SUMF1: variants seen among roughly 807,000 people sequenced by gnomAD.
SUMF1 encodes the protein sulfatase modifying factor 1, also known as formylglycine-generating enzyme.
In SUMF1, 48 loss-of-function variants were observed where a neutral mutation model predicts 47.6. The ratio of observed to expected loss-of-function variants is 1.01; its 90% CI spans 0.80 to 1.28. The LOEUF (loss-of-function observed/expected upper bound fraction) is 1.28, where lower values mean the gene tolerates loss of function less well. Among genes scored for constraint, SUMF1 ranks in the 50% most tolerant of loss-of-function variants. SUMF1 has a pLI of 0.00. For missense variants in SUMF1, 571 were observed against 485.4 expected, an observed-to-expected ratio of 1.18 and a Z score of -1.66; for synonymous variants, 230 against 192.1, an observed-to-expected ratio of 1.20 and a Z score of -1.63.
intron 8 of SUMF1, among the ~76,000 whole-genome samples, chr3:4,335,068 C>T (rs573778685): frequency 1.8e-4 from 27 of 152,202 alleles, no homozygotes; most frequent in African/African-American, 5.3e-4. Flanking sequence ...ATTTGTCTTT[C>T]GGCAGCTGCA....
chr3:4,335,826 G>T (rs1159039021), intron 8 of SUMF1, among the ~76,000 whole-genome samples: 1 of 151,934 alleles, frequency 6.6e-6, no homozygotes, highest in Non-Finnish European at 1.5e-5. Flanking sequence ...CCAGTGTGGT[G>T]GCGGGCACAT....
chr3:4,049,830 C>T (rs1695072940), intron 9 of SUMF1, among the ~76,000 whole-genome samples: 1 of 152,140 alleles, frequency 6.6e-6, no homozygotes, highest in Non-Finnish European at 1.5e-5. Flanking sequence ...AGTCAGGTCA[C>T]ATACAGACTT....
chr3:4,180,765 A>T lies in SUMF1; in HGVS notation c.1015-112020T>A, dbSNP rs536604546. Among the ~76,000 whole-genome samples the T allele has an allele frequency of 7.4e-5, 11 of 148,838 alleles. No homozygotes were observed. The East Asian group carries it at 2.0e-3, about 27-fold the overall frequency. On this transcript the variant is annotated intron_variant and NMD_transcript_variant, in intron 8 of 12. Coordinates refer to the SUMF1 transcript ENST00000448413. Reference sequence around the variant, plus strand: ...CTATTTGGGAGGCTGAGGTGGAAAGATCACCTTAGCCTGGGAGGTTGAGGT... The same window carrying T: ...CTATTTGGGAGGCTGAGGTGGAAAGTTCACCTTAGCCTGGGAGGTTGAGGT...
intron 8 of SUMF1, among the ~76,000 whole-genome samples, chr3:4,274,791 A>G (rs1359203060): frequency 6.6e-6 from 1 of 152,196 alleles, no homozygotes; most frequent in East Asian, 1.9e-4. Flanking sequence ...AGACTGACAG[A>G]AAAAACTAGA....
chr3:4,106,046 T>C lies in SUMF1; in HGVS notation c.1015-37301A>G, dbSNP rs1377531048. Among the ~76,000 whole-genome samples, 7 of 152,140 alleles carry C rather than the reference T, an allele frequency of 4.6e-5. 1 individual carries two copies. The highest frequency in any genetic ancestry group is 4.6e-4 in the Admixed American group (7 of 15,282). On this transcript the variant is annotated intron_variant and NMD_transcript_variant, in intron 8 of 12. Transcript: ENST00000448413. ...ATGCAATAATTGGTCAAAATTGCTT[T>C]ATCTGTTTGCTTTATCTGTTCCTCT...
At chr3:4,280,026 C>G (rs575031681) in intron 8 of SUMF1, among the ~76,000 whole-genome samples, 1 of 151,968 alleles carries the variant, frequency 6.6e-6, no homozygotes, top group Non-Finnish European at 1.5e-5. Context: ...ATGACACTAG[C>G]CATCTGTAAG....
rs548569540 is a variant in SUMF1 at position 4,231,476 on chromosome 3, C to T, written c.1014+144854G>A. ...ACATTATTTCAATCTCTAACCTTGT[C>T]CCTTGCTGTTACCCAAACAAGTTAA... On this transcript the variant is annotated intron_variant and NMD_transcript_variant, in intron 8 of 12. Transcript: ENST00000448413. 4.6e-5 allele frequency among the ~76,000 whole-genome samples: 7 copies of T among 152,284 alleles called. No homozygotes were observed. The East Asian group carries it at 9.7e-4, about 21-fold the overall frequency.
At chr3:4,373,157 A>G (rs1031884526) in intron 8 of SUMF1, among the ~76,000 whole-genome samples, 6 of 152,058 alleles carry the variant, frequency 3.9e-5, no homozygotes, top group African/African-American at 1.4e-4. Context: ...ACTAATAAGC[A>G]TAAGGAGAGA....
chr3:4,268,388 C>A (rs1399375709), intron 8 of SUMF1, among the ~76,000 whole-genome samples: 1 of 151,832 alleles, frequency 6.6e-6, no homozygotes, highest in Non-Finnish European at 1.5e-5. Context: ...ACATATGTAA[C>A]TAACCTGCAC....
At chr3:4,114,772 T>A (rs1265546415) in intron 8 of SUMF1, among the ~76,000 whole-genome samples, 1 of 152,178 alleles carries the variant, frequency 6.6e-6, no homozygotes, top group East Asian at 1.9e-4. Context: ...TTTGTCCATG[T>A]GCATTAGACA....
intron 7 of SUMF1, among the ~76,000 whole-genome samples, chr3:4,390,201 G>C (rs533877130): frequency 6.6e-6 from 1 of 152,146 alleles, no homozygotes; most frequent in African/African-American, 2.4e-5. Context: ...CTCTATTAAC[G>C]ATTCAGAAGG....
intron 8 of SUMF1, among the ~76,000 whole-genome samples, chr3:4,164,689 T>A (rs1308084987): frequency 6.6e-6 from 1 of 152,172 alleles, no homozygotes; most frequent in Non-Finnish European, 1.5e-5. Context: ...CCTTTTTGCC[T>A]GCTCCTCTTG....
At chr3:4,350,681 G>T (rs995917851) in intron 8 of SUMF1, among the ~76,000 whole-genome samples, 3 of 152,108 alleles carry the variant, frequency 2.0e-5, no homozygotes, top group Admixed American at 2.0e-4. Flanking sequence ...AGCAGTAGAA[G>T]TTCAGAAAAT....
chr3:4,190,614 T>C (rs1695294430), intron 8 of SUMF1, among the ~76,000 whole-genome samples: 1 of 152,142 alleles, frequency 6.6e-6, no homozygotes, highest in Admixed American at 6.6e-5. Flanking sequence ...ACCTTTCATC[T>C]TGACAACCCT....
chr3:4,109,659 C>T (rs1693245956), intron 8 of SUMF1, among the ~76,000 whole-genome samples: 1 of 152,054 alleles, frequency 6.6e-6, no homozygotes, highest in South Asian at 2.1e-4. Context: ...TCCCTTCTCA[C>T]TTCATTTCAT....
At chr3:4,263,955 ATAAAC>A (rs1343165620) in intron 8 of SUMF1, among the ~76,000 whole-genome samples, 1 of 152,226 alleles carries the variant, frequency 6.6e-6, no homozygotes, top group Non-Finnish European at 1.5e-5. Flanking sequence ...TTGTTCCTCT[ATAAAC>A]TAGACAGGAA....
chr3:4,162,656 C>T (rs1289559191), intron 8 of SUMF1, among the ~76,000 whole-genome samples: 1 of 152,166 alleles, frequency 6.6e-6, no homozygotes, highest in Non-Finnish European at 1.5e-5. Flanking sequence ...CATATTCTGT[C>T]TTCATGCCAT....
intron 8 of SUMF1, among the ~76,000 whole-genome samples, chr3:4,254,004 C>T (rs1168818819): frequency 6.6e-6 from 1 of 151,096 alleles, no homozygotes; most frequent in Non-Finnish European, 1.5e-5. Flanking sequence ...CAAGGGCACA[C>T]TGACACCACA....
intron 8 of SUMF1, among the ~76,000 whole-genome samples, chr3:4,151,069 C>A (rs1168683450): frequency 6.6e-6 from 1 of 151,294 alleles, no homozygotes; most frequent in Non-Finnish European, 1.5e-5. Context: ...CTGGTGGGGG[C>A]CTCATCTTTT....
Sources: gnomAD v4.1 joint callset for allele counts (sites outside exome capture counted in the v4.1 genomes callset) on GRCh38, gnomAD v4.1.1 for gene constraint, MANE v1.5 for transcripts, NCBI Gene and HGNC (gene_info 2026-07-23, HGNC 2026-07-21) for gene names.